KCND2: variants seen among roughly 807,000 people sequenced by gnomAD.
KCND2 encodes potassium voltage-gated channel subfamily D member 2.
In KCND2, 16 loss-of-function variants were observed where a neutral mutation model predicts 54.4. That is an observed-to-expected ratio of 0.29 (90% confidence interval 0.20 to 0.45). KCND2 has a LOEUF of 0.45. Among genes scored for constraint, KCND2 ranks in the 20% least tolerant of loss-of-function variants. KCND2 has a pLI of 1.00. For synonymous variants in KCND2, 317 were observed against 310.7 expected (o/e 1.02, Z -0.21); for missense variants, 486 against 824.2 (o/e 0.59, Z 5.02).
intron 1 of KCND2, among the ~76,000 whole-genome samples, chr7:120,467,740 A>G (rs1311930137): frequency 1.3e-5 from 2 of 152,090 alleles, no homozygotes; most frequent in Admixed American, 1.3e-4. Flanking sequence ...GTTCAGTTTC[A>G]TAATAAGCTA....
At chr7:120,579,600 A>AT (rs1484162450) in intron 1 of KCND2, among the ~76,000 whole-genome samples, 1 of 108,044 alleles carries the variant, frequency 9.3e-6, no homozygotes, top group African/African-American at 3.2e-5. Context: ...GACTCTGTCT[A>AT]AAAATAAATA....
intron 1 of KCND2, among the ~76,000 whole-genome samples, chr7:120,331,165 A>G (rs776241586): frequency 4.6e-5 from 7 of 152,138 alleles, no homozygotes; most frequent in Non-Finnish European, 7.4e-5. Context: ...CCAAACTTGT[A>G]TTTTAACCAT....
At chr7:120,726,368 A>G (rs1294905570) in intron 1 of KCND2, among the ~76,000 whole-genome samples, 2 of 152,292 alleles carry the variant, frequency 1.3e-5, no homozygotes, top group Non-Finnish European at 2.9e-5. Context: ...CATTACAGCT[A>G]CTGTAAAAAT....
intron 1 of KCND2, among the ~76,000 whole-genome samples, chr7:120,422,213 G>A (rs1801635974): frequency 6.6e-6 from 1 of 152,078 alleles, no homozygotes; most frequent in Non-Finnish European, 1.5e-5. Flanking sequence ...TACCATTCTG[G>A]CTGGTAGAAA....
intron 1 of KCND2, among the ~76,000 whole-genome samples, chr7:120,352,137 C>T (rs754617171): frequency 1.3e-5 from 2 of 151,678 alleles, no homozygotes; most frequent in Non-Finnish European, 2.9e-5. Context: ...GGGGTTTCAC[C>T]ATGTTGGCCA....
chr7:120,360,798 A>C (rs1331185651), intron 1 of KCND2, among the ~76,000 whole-genome samples: 3 of 152,104 alleles, frequency 2.0e-5, no homozygotes, highest in African/African-American at 7.2e-5. Context: ...CTTTAGATAT[A>C]AGAAAACAAT....
chr7:120,351,361 AGCATAC>A (rs1200403837), intron 1 of KCND2, among the ~76,000 whole-genome samples: 25 of 117,778 alleles, frequency 2.1e-4, no homozygotes, highest in African/African-American at 8.5e-4. Flanking sequence ...AAAATCGAAG[AGCATAC>A]ACACACACAC....
At chr7:120,331,025 T>G (rs905394946) in intron 1 of KCND2, among the ~76,000 whole-genome samples, 3 of 152,162 alleles carry the variant, frequency 2.0e-5, no homozygotes, top group African/African-American at 7.2e-5. Context: ...AAAATAGTTT[T>G]TGTGTGATTC....
intron 1 of KCND2, among the ~76,000 whole-genome samples, chr7:120,490,397 C>T (rs992866610): frequency 6.6e-6 from 1 of 152,138 alleles, no homozygotes; most frequent in African/African-American, 2.4e-5. Context: ...ACTCTGAGAA[C>T]TTATTATATA....
At chr7:120,320,078 A>G (rs1799872048) in intron 1 of KCND2, among the ~76,000 whole-genome samples, 1 of 152,120 alleles carries the variant, frequency 6.6e-6, no homozygotes, top group African/African-American at 2.4e-5. Context: ...GTCCTGTTTC[A>G]TCTTGCGCTT....
chr7:120,514,702 A>G (rs1009546480), intron 1 of KCND2, among the ~76,000 whole-genome samples: 6 of 152,056 alleles, frequency 3.9e-5, no homozygotes, highest in South Asian at 2.1e-4. Flanking sequence ...TTCCATGGAC[A>G]GGAGCTGGTG....
chr7:120,677,580 G>GATATATAT (rs1562906528), intron 1 of KCND2, among the ~76,000 whole-genome samples: 13 of 147,264 alleles, frequency 8.8e-5, no homozygotes, highest in African/African-American at 3.2e-4. Context: ...TAGATATATA[G>GATATATAT]ATATATAAAA....
chr7:120,325,879 C>G (rs919842347), intron 1 of KCND2, among the ~76,000 whole-genome samples: 1 of 151,962 alleles, frequency 6.6e-6, no homozygotes, highest in Non-Finnish European at 1.5e-5. Flanking sequence ...ACCCTGTATT[C>G]ACAGCAGGAG....
intron 1 of KCND2, among the ~76,000 whole-genome samples, chr7:120,363,292 A>G (rs1027370810): frequency 6.6e-6 from 1 of 152,072 alleles, no homozygotes; most frequent in Non-Finnish European, 1.5e-5. Flanking sequence ...TGACAGAGCA[A>G]GATCCCATCT....
At chr7:120,376,891 T>A (rs186587710) in intron 1 of KCND2, among the ~76,000 whole-genome samples, 1 of 152,100 alleles carries the variant, frequency 6.6e-6, no homozygotes, top group East Asian at 1.9e-4. Context: ...TGTTCTGATA[T>A]TGTATTGGAA....
At chr7:120,291,014 A>G (rs1158034460) in intron 1 of KCND2, among the ~76,000 whole-genome samples, 1 of 152,000 alleles carries the variant, frequency 6.6e-6, no homozygotes, top group Non-Finnish European at 1.5e-5. Context: ...AAAAATCTGA[A>G]ATCAGTTGTC....
rs187949762 is a variant in KCND2, at chr7:120,645,324, G to A, written c.1116-87579G>A. ...CCATGACTAGTAGCATGTTAATATA[G>A]GGTTCTGTGGCCCATGACTAGTGGC... On this transcript the variant is annotated intron_variant, in intron 1 of 5. Transcript: ENST00000331113. 1.4e-4 allele frequency among the ~76,000 whole-genome samples: 22 copies of A among 152,170 alleles called. No homozygotes were observed. The East Asian group carries it at 4.1e-3, about 28-fold the overall frequency.
At chr7:120,575,491 G>A (rs1792419868) in intron 1 of KCND2, among the ~76,000 whole-genome samples, 2 of 152,016 alleles carry the variant, frequency 1.3e-5, no homozygotes, top group Admixed American at 6.6e-5. Flanking sequence ...ATTGAGGGTG[G>A]GTCTGCCTCT....
intron 1 of KCND2, among the ~76,000 whole-genome samples, chr7:120,472,713 A>C (rs1333807189): frequency 1.3e-5 from 2 of 152,134 alleles, no homozygotes; most frequent in Non-Finnish European, 2.9e-5. Context: ...TCAGTGAACT[A>C]GGCTCTTGAC....
Sources: gnomAD v4.1 joint callset for allele counts (sites outside exome capture counted in the v4.1 genomes callset) on GRCh38, gnomAD v4.1.1 for gene constraint, MANE v1.5 for transcripts, NCBI Gene and HGNC (gene_info 2026-07-23, HGNC 2026-07-21) for gene names.